Variants in SGSM2 observed in about 807,000 individuals in gnomAD.
The protein encoded by SGSM2 is RUN and TBC1 domain containing 1.
SGSM2 carries 89 observed loss-of-function variants against 126.6 expected under a neutral mutation model. The observed-to-expected ratio is 0.70, with a 90% CI of 0.59 to 0.84. The LOEUF is 0.84. SGSM2 is among the 40% of genes least tolerant of loss of function. SGSM2 has a pLI of 0.00. For missense variants in SGSM2, 1,404 were observed against 1,416.6 expected, an observed-to-expected ratio of 0.99 and a Z score of 0.14; for synonymous variants, 614 against 574.3, an observed-to-expected ratio of 1.07 and a Z score of -0.99.
chr17:2,346,165 G>A (rs530730405), intron 2 of SGSM2, among the ~76,000 whole-genome samples: 5 of 152,282 alleles, frequency 3.3e-5, no homozygotes, highest in Admixed American at 3.3e-4. Flanking sequence ...CAGCTTTGTT[G>A]TGGGAGAAAT....
chr17:2,338,789 A>ATATATATATATATATATATATATATATAT (rs1483751869), intron 1 of SGSM2, among the ~76,000 whole-genome samples: 13 of 148,230 alleles, frequency 8.8e-5, no homozygotes, highest in East Asian at 4.5e-4. Context: ...ATATATATAT[A>ATATATATATATATATATATATATATATAT]ACCTCACGCC....
At chr17:2,357,672 A>T (rs1294742443) in intron 2 of SGSM2, among the ~76,000 whole-genome samples, 1 of 152,022 alleles carries the variant, frequency 6.6e-6, no homozygotes, top group Non-Finnish European at 1.5e-5. Flanking sequence ...TAATTTTTGT[A>T]TTTTTAGCAG....
chr17:2,359,487 C>A (rs1345936785), intron 2 of SGSM2, among the ~76,000 whole-genome samples: 11 of 152,178 alleles, frequency 7.2e-5, no homozygotes, highest in African/African-American at 2.7e-4. Flanking sequence ...TGCCTGGCAC[C>A]TTGCCTGGGT....
Position 2,372,110 on chromosome 17 carries a change from G to T in SGSM2, c.1578-80G>T. ...CCCCAGTGCCTTACCTGCCCCCCAG[G>T]ACAGAGCCTCCTCCCTTCTCTCTCT... On this transcript the variant is annotated intron_variant, in intron 13 of 23. Transcript: ENST00000268989. This position sits in a 1 kb window ranked among gnomAD's most constrained non-coding sequence, Gnocchi z 6.0. 6.4e-7 allele frequency: 1 copy of T among 1,554,346 alleles called. No homozygotes were observed.
chr17:2,367,301 G>C lies in SGSM2; in HGVS notation c.1319G>C (p.Ser440Thr). 1 of 1,614,014 alleles carries C rather than the reference G, an allele frequency of 6.2e-7. No homozygotes were observed. Among genetic ancestry groups the C allele is most frequent in the Non-Finnish European group, 8.5e-7 (1 of 1,179,972 alleles). Residue 440 changes from serine (S) to threonine (T), a missense_variant, in exon 12 of 24, where the codon AGC becomes ACC. Ser to Thr is a moderately conservative substitution (Grantham distance 58). Transcript: ENST00000268989. This position sits in a 1 kb window ranked among gnomAD's most constrained non-coding sequence, Gnocchi z 4.0. The stretch of plus-strand genomic sequence containing the variant: ...ATTAACTACCACCACCTAGCGGCCA[G>C]CCGCGCGGCCTCGGTGGACGATGAT... ...ITINYHHLAA[S>T]RAASVDDDEE... is the part of the protein sequence containing the mutation.
At chr17:2,359,143 C>T (rs530876551) in intron 2 of SGSM2, among the ~76,000 whole-genome samples, 1 of 152,274 alleles carries the variant, frequency 6.6e-6, no homozygotes, top group East Asian at 1.9e-4. Context: ...TCCCAAAGTG[C>T]TGGGATTACA....
At chr17:2,347,822 T>G (rs2064670427) in intron 2 of SGSM2, among the ~76,000 whole-genome samples, 2 of 152,168 alleles carry the variant, frequency 1.3e-5, no homozygotes, top group African/African-American at 4.8e-5. Context: ...AGTTTGCATT[T>G]TAACCTTTGG....
In SGSM2 at chr17:2,379,993, C is replaced by G. The variant is rs1233142870; in HGVS notation, c.*473C>G. On this transcript the variant is annotated 3_prime_UTR_variant, in exon 24 of 24. Coordinates refer to ENST00000268989, the MANE Select transcript of SGSM2 (RefSeq NM_014853.3). ...TATATTGTGCGTGCACCAGCCCCAG[C>G]TGGAGCAACCAAAACTGCTTCTGGT... The G allele has an allele frequency of 1.4e-6, 2 of 1,385,012 alleles. No homozygotes were observed. The allele number at this position is 1,385,012 out of a possible 1,614,324, so 85.8% of individuals were successfully genotyped here.
Position 2,337,747 on chromosome 17 carries a change from T to C in SGSM2, c.57+2T>C. 6.5e-7 allele frequency: 1 copy of C among 1,531,084 alleles called. No homozygotes were observed. Among genetic ancestry groups the C allele is most frequent in the Non-Finnish European group, 8.8e-7 (1 of 1,135,666 alleles). The allele number at this position is 1,531,084 out of a possible 1,614,324, so 94.8% of individuals were successfully genotyped here. A position where few individuals can be genotyped will look rare whatever the true frequency, so the allele number is the denominator to read the frequency against. ...CTGCTGTGGAACGTGAAGAAGGAGG[T>C]AAAGTCGAGTCAAGAACCCCGGGGG... On this transcript the variant is annotated splice_donor_variant, in intron 1 of 23. Coordinates refer to ENST00000268989, the MANE Select transcript of SGSM2 (RefSeq NM_014853.3). LOFTEE classifies it high-confidence loss of function. The surrounding 1 kb of genome is among the most constrained non-coding windows in gnomAD (Gnocchi z 5.1).
rs1350194129 is a variant in SGSM2 at position 2,367,912 on chromosome 17, T to C, written c.1423+507T>C. On this transcript the variant is annotated intron_variant, in intron 12 of 23. Coordinates refer to ENST00000268989, the MANE Select transcript of SGSM2 (RefSeq NM_014853.3). This position sits in a 1 kb window ranked among gnomAD's most constrained non-coding sequence, Gnocchi z 4.0. ...GCTGCCATGCGAAGGGCCCCAGGGC[T>C]CAGTCTTCCCAGGAGGCCTGAGGGC... Among the ~76,000 whole-genome samples the C allele has an allele frequency of 6.6e-6, 1 of 152,138 alleles. No homozygotes were observed. Among genetic ancestry groups the C allele is most frequent in the African/African-American group, 2.4e-5 (1 of 41,442 alleles).
In SGSM2 at chr17:2,379,423, T is replaced by TC. The variant is rs1296587064; in HGVS notation, c.3068-3dup. The TC allele has an allele frequency of 1.9e-6, 3 of 1,610,622 alleles. No individual in the cohort carries two copies. The highest frequency in any genetic ancestry group is 1.7e-6 in the Non-Finnish European group (2 of 1,177,546). The stretch of plus-strand genomic sequence containing the variant: ...GGGCCTCTCTACAGCTCTTCACGTT[T>TC]CCCCCCAGAACGTGCTGAGCATCAC... On this transcript the variant is annotated splice_polypyrimidine_tract_variant and intron_variant, in intron 23 of 23. Transcript: ENST00000268989.
intron 2 of SGSM2, among the ~76,000 whole-genome samples, chr17:2,344,239 G>C (rs886291317): frequency 6.6e-6 from 1 of 152,130 alleles, no homozygotes; most frequent in South Asian, 2.1e-4. Context: ...GGAGAGAGTC[G>C]CTTATAAACC....
At chr17:2,358,879 T>G (rs28414015) in intron 2 of SGSM2, among the ~76,000 whole-genome samples, 23 of 48,432 alleles carry the variant, frequency 4.7e-4, no homozygotes, top group East Asian at 2.8e-3. Flanking sequence ...TGTTGTTTTT[T>G]TTTTTTTTTT....
intron 13 of SGSM2, 190 bp from the exon 14 acceptor site, chr17:2,372,000 C>G (rs1347963714): frequency 3.2e-6 from 2 of 633,560 alleles, no homozygotes; most frequent in Non-Finnish European, 5.3e-6. Flanking sequence ...CAGGCGGGGG[C>G]CCCACAGCAC....
intron 17 of SGSM2, among the ~76,000 whole-genome samples, chr17:2,374,877 C>T (rs879389682): frequency 6.6e-6 from 1 of 152,090 alleles, no homozygotes; most frequent in Non-Finnish European, 1.5e-5. Context: ...AGAAAAATCC[C>T]AAACAGTCTC....
Position 2,376,730 on chromosome 17 carries a change from C to T in SGSM2, c.2610-3C>T. ...CCACAGTGACTCTCCCCCTGCCTTT[C>T]AGCTACGTGTGGGAGCACCTGGACG... On this transcript the variant is annotated splice_polypyrimidine_tract_variant and splice_region_variant and intron_variant, in intron 19 of 23. Transcript: ENST00000268989. 6.2e-7 allele frequency: 1 copy of T among 1,613,954 alleles called. No homozygotes were observed. The highest frequency in any genetic ancestry group is 8.5e-7 in the Non-Finnish European group (1 of 1,180,002).
At chr17:2,371,143 G>A (rs2151613380) in intron 12 of SGSM2, 119 bp from the exon 13 acceptor site, 3 of 1,196,160 alleles carry the variant, frequency 2.5e-6, no homozygotes, top group East Asian at 5.6e-5. Context: ...CCACCTCTGT[G>A]ATTTTCCACC....
rs747463348 is a variant in SGSM2, at chr17:2,343,635, G to A, written c.133+15G>A. On this transcript the variant is annotated intron_variant, in intron 2 of 23. Transcript: ENST00000268989. The stretch of plus-strand genomic sequence containing the variant: ...TGCTTTATGTGGTGAGTGAGTGACT[G>A]AAGGATGATGGGAGGTCGGTCTAGA... The A allele has an allele frequency of 9.9e-6, 16 of 1,612,738 alleles. No homozygotes were observed. Among genetic ancestry groups the A allele is most frequent in the African/African-American group, 1.3e-5 (1 of 74,898 alleles).
intron 23 of SGSM2, 36 bp from the exon 24 acceptor site, chr17:2,379,396 C>T: frequency 1.3e-6 from 2 of 1,590,808 alleles, no homozygotes; most frequent in Non-Finnish European, 1.7e-6. Context: ...TGCCCTTTCT[C>T]TGGGCCTCTC....
Sources: gnomAD v4.1 joint callset for allele counts (sites outside exome capture counted in the v4.1 genomes callset) on GRCh38, gnomAD v4.1.1 for gene constraint, Gnocchi (gnomAD v3.1) non-coding constraint, MANE v1.5 for transcripts, NCBI Gene and HGNC (gene_info 2026-07-23, HGNC 2026-07-21) for gene names.